The following CLSTN2 variants were observed in gnomAD, a reference collection of about 807,000 sequenced individuals.
The protein encoded by CLSTN2 is calsyntenin-2.
Under a neutral mutation model 101.2 loss-of-function variants are expected in CLSTN2, and 48 were observed. The ratio of observed to expected loss-of-function variants is 0.47; its 90% CI spans 0.38 to 0.60. The LOEUF is 0.60. CLSTN2 is among the 20% of genes least tolerant of loss of function. CLSTN2 has a pLI of 0.00. For missense variants in CLSTN2, 1,160 were observed against 1,238.2 expected (o/e 0.94, Z 0.95); for synonymous variants, 481 against 463.6 (o/e 1.04, Z -0.48).
chr3:140,217,655 C>A (rs550378636), intron 2 of CLSTN2, among the ~76,000 whole-genome samples: 1 of 152,316 alleles, frequency 6.6e-6, no homozygotes, highest in African/African-American at 2.4e-5. Context: ...AAAGGGTTGA[C>A]GTCCTAGGAT....
intron 2 of CLSTN2, among the ~76,000 whole-genome samples, chr3:140,248,412 C>T (rs1450545904): frequency 6.6e-6 from 1 of 152,168 alleles, no homozygotes; most frequent in Non-Finnish European, 1.5e-5. Context: ...CAGTTTTGGG[C>T]AGCACTAGAG....
At chr3:140,257,200 G>A (rs2086611101) in intron 2 of CLSTN2, among the ~76,000 whole-genome samples, 1 of 152,162 alleles carries the variant, frequency 6.6e-6, no homozygotes, top group Non-Finnish European at 1.5e-5. Context: ...ATAATTAAAT[G>A]TATGCTCCAT....
rs965662374 is a variant in CLSTN2, at chr3:139,984,391, T to C, written c.109+48908T>C. 3.9e-5 allele frequency among the ~76,000 whole-genome samples: 6 copies of C among 152,284 alleles called. No individual in the cohort carries two copies. The South Asian group carries it at 1.2e-3, about 32-fold the overall frequency. On this transcript the variant is annotated intron_variant, in intron 1 of 16. Coordinates refer to ENST00000458420, the MANE Select transcript of CLSTN2 (RefSeq NM_022131.3). ...CATCTAGTCACTCTCTCTGCTCTTA[T>C]TCTCCCTTCACCCTGTTCCTATTTG...
intron 1 of CLSTN2, among the ~76,000 whole-genome samples, chr3:139,950,243 G>A (rs973457515): frequency 1.3e-5 from 2 of 152,156 alleles, no homozygotes; most frequent in African/African-American, 4.8e-5. Flanking sequence ...CACTCTACAT[G>A]GGGAAATACC....
intron 1 of CLSTN2, among the ~76,000 whole-genome samples, chr3:140,032,308 C>A (rs1376144033): frequency 1.3e-5 from 2 of 150,600 alleles, no homozygotes; most frequent in African/African-American, 4.9e-5. Flanking sequence ...TCCCACCAAG[C>A]CTAAGATCAA....
rs768564453 is a variant in CLSTN2 at position 140,566,280 on chromosome 3, C to T, written c.*27C>T. 1 of 1,546,784 alleles carries T rather than the reference C, an allele frequency of 6.5e-7. No homozygotes were observed. ...GCCCAGGGGTCTGCTGCCTGGCCCA[C>T]ATGTCCCTTTTGTAAACCCTGACCC... On this transcript the variant is annotated 3_prime_UTR_variant, in exon 17 of 17. Coordinates refer to ENST00000458420, the MANE Select transcript of CLSTN2 (RefSeq NM_022131.3).
intron 2 of CLSTN2, among the ~76,000 whole-genome samples, chr3:140,257,974 TCA>T (rs1266337243): frequency 2.6e-5 from 4 of 152,162 alleles, no homozygotes; most frequent in African/African-American, 9.6e-5. Context: ...CTAACTGTGT[TCA>T]GTTACCTTTC....
intron 2 of CLSTN2, among the ~76,000 whole-genome samples, chr3:140,251,639 T>TTTCCTTTCCTTTCCTTTCCTTTC (rs397760342): frequency 6.7e-6 from 1 of 149,260 alleles, no homozygotes; most frequent in African/African-American, 2.5e-5. Context: ...TTTCCTTTCC[T>TTTCCTTTCCTTTCCTTTCCTTTC]CTTTTTGCTT....
chr3:140,536,454 C>T (rs532111185), intron 9 of CLSTN2, among the ~76,000 whole-genome samples: 1 of 152,148 alleles, frequency 6.6e-6, no homozygotes, highest in Non-Finnish European at 1.5e-5. Flanking sequence ...TTTCCCATAG[C>T]TCCTTGCATG....
intron 2 of CLSTN2, among the ~76,000 whole-genome samples, chr3:140,228,959 G>A (rs1010345108): frequency 3.3e-5 from 5 of 152,204 alleles, no homozygotes; most frequent in Non-Finnish European, 7.3e-5. Context: ...GGAGATTAAA[G>A]TTGACCACTT....
At chr3:140,278,139 T>C (rs567671972) in intron 2 of CLSTN2, among the ~76,000 whole-genome samples, 139 of 152,322 alleles carry the variant, frequency 9.1e-4, no homozygotes, top group African/African-American at 3.1e-3. Context: ...CTCCTCTATG[T>C]ACTTTGTATT....
chr3:139,941,110 A>G (rs1935118585), intron 1 of CLSTN2, among the ~76,000 whole-genome samples: 1 of 152,212 alleles, frequency 6.6e-6, no homozygotes. Flanking sequence ...TTCAAATAAC[A>G]GCTTGAAATC....
At chr3:140,187,287 G>T (rs1251386536) in intron 2 of CLSTN2, among the ~76,000 whole-genome samples, 1 of 152,098 alleles carries the variant, frequency 6.6e-6, no homozygotes, top group Non-Finnish European at 1.5e-5. Flanking sequence ...TGGGGTGTAT[G>T]CTCTCAGCCT....
At chr3:140,352,960 T>A (rs904400531) in intron 2 of CLSTN2, among the ~76,000 whole-genome samples, 10 of 152,144 alleles carry the variant, frequency 6.6e-5, no homozygotes, top group Non-Finnish European at 1.0e-4. Context: ...TGGAAAAAAA[T>A]TATATCTGTA....
At position 140,220,047 on chromosome 3, in the gene CLSTN2, T is replaced by C. The variant is rs572231387; in HGVS notation, c.232+43974T>C. 1.6e-4 allele frequency among the ~76,000 whole-genome samples: 24 copies of C among 152,324 alleles called. No individual in the cohort carries two copies. In the South Asian group the frequency reaches 5.0e-3, roughly 32 times the overall value. On this transcript the variant is annotated intron_variant, in intron 2 of 16. Transcript: ENST00000458420. ...CAACCATAAATGGCAGAGCCTGGGTTCAAATCTAGACAGGCTCTGGATGCT... is the reference window on the plus strand; with the variant it reads ...CAACCATAAATGGCAGAGCCTGGGTCCAAATCTAGACAGGCTCTGGATGCT...
chr3:140,219,780 T>A (rs964603964), intron 2 of CLSTN2, among the ~76,000 whole-genome samples: 4 of 152,122 alleles, frequency 2.6e-5, no homozygotes, highest in African/African-American at 9.7e-5. Context: ...TTTCAAGCAT[T>A]TTGTTTGGTG....
chr3:139,999,954 CA>C (rs34012453), intron 1 of CLSTN2, among the ~76,000 whole-genome samples: 52,083 of 141,794 alleles, frequency 0.37, 10,666 homozygotes, highest in African/African-American at 0.58. Flanking sequence ...AACCTTGTCT[CA>C]AAAAAAAAAA....
In CLSTN2 at chr3:140,126,435, C is replaced by G. The variant is rs550358354; in HGVS notation, c.110-49516C>G. ...ACCCTGACATGTAGTAAGTTAGCCT[C>G]TACTCCTAGAAGAGTTTTGCACATA... is the stretch of plus-strand genomic sequence containing the variant. On this transcript the variant is annotated intron_variant, in intron 1 of 16. Transcript: ENST00000458420. 1.6e-4 allele frequency among the ~76,000 whole-genome samples: 25 copies of G among 152,214 alleles called. No homozygotes were observed. The South Asian group carries it at 3.7e-3, about 23-fold the overall frequency.
At chr3:140,166,070 G>A (rs2010129998) in intron 1 of CLSTN2, among the ~76,000 whole-genome samples, 1 of 152,192 alleles carries the variant, frequency 6.6e-6, no homozygotes, top group Non-Finnish European at 1.5e-5. Flanking sequence ...TCTCCTGGCA[G>A]ATGGCTGTCT....
Sources: allele counts gnomAD v4.1 joint callset (sites outside exome capture counted in the v4.1 genomes callset), GRCh38; gene constraint gnomAD v4.1.1; transcripts MANE v1.5; gene names NCBI Gene and HGNC (gene_info 2026-07-23, HGNC 2026-07-21).